EYA1: variants seen among roughly 807,000 people sequenced by gnomAD.
EYA1 encodes EYA transcriptional coactivator and phosphatase 1.
Under a neutral mutation model 82.0 loss-of-function variants are expected in EYA1, and 16 were observed. The observed-to-expected ratio is 0.20, with a 90% CI of 0.13 to 0.30. EYA1 has a LOEUF of 0.30. Among genes scored for constraint, EYA1 ranks in the 10% least tolerant of loss-of-function variants. The probability of loss-of-function intolerance (pLI) is 1.00; values close to 1 mark genes in which losing one functional copy is unlikely to be tolerated. For synonymous variants in EYA1, 261 were observed against 264.4 expected, an observed-to-expected ratio of 0.99 and a Z score of 0.12; for missense variants, 633 against 730.7, an observed-to-expected ratio of 0.87 and a Z score of 1.54.
chr8:71,495,996 A>T (rs1811384328), intron 2 of EYA1, among the ~76,000 whole-genome samples: 1 of 152,228 alleles, frequency 6.6e-6, no homozygotes, highest in Admixed American at 6.5e-5. Context: ...ACTATTCCTA[A>T]ACACTGGTTT....
intron 11 of EYA1, among the ~76,000 whole-genome samples, chr8:71,245,306 A>G (rs1413796872): frequency 6.6e-6 from 1 of 151,936 alleles, no homozygotes; most frequent in African/African-American, 2.4e-5. Flanking sequence ...AGCTCACTGC[A>G]GCCTCCATGT....
At chr8:71,336,321 G>T (rs191403839) in intron 3 of EYA1, among the ~76,000 whole-genome samples, 1 of 152,286 alleles carries the variant, frequency 6.6e-6, no homozygotes, top group East Asian at 1.9e-4. Flanking sequence ...CGGTCTTAGG[G>T]CTCCTAGCCT....
At chr8:71,379,054 T>C (rs1828541929) in intron 2 of EYA1, among the ~76,000 whole-genome samples, 1 of 152,082 alleles carries the variant, frequency 6.6e-6, no homozygotes, top group Non-Finnish European at 1.5e-5. Flanking sequence ...TCTCACCTAC[T>C]ACAGTAGAGA....
chr8:71,402,118 G>A lies in EYA1; in HGVS notation c.34-45607C>T, dbSNP rs1829989804. On this transcript the variant is annotated intron_variant, in intron 2 of 18. Coordinates refer to the EYA1 transcript ENST00000643681. ...GTAGGTCTAGGTCCTCTCCAAGGCT[G>A]TACATTTGATAGGATTGAGCCATTT... is the stretch of plus-strand genomic sequence containing the variant. Among the ~76,000 whole-genome samples, 4 of 152,290 alleles carry A rather than the reference G, an allele frequency of 2.6e-5. No homozygotes were observed. In the South Asian group the frequency reaches 6.2e-4, roughly 24 times the overall value.
chr8:71,532,735 C>A (rs1202242422), intron 2 of EYA1, among the ~76,000 whole-genome samples: 2 of 152,004 alleles, frequency 1.3e-5, no homozygotes, highest in Non-Finnish European at 2.9e-5. Flanking sequence ...CAGAATGCAC[C>A]ATTAGCAGGT....
chr8:71,307,464 A>G (rs7830123), intron 7 of EYA1, among the ~76,000 whole-genome samples: 29,291 of 152,006 alleles, frequency 0.19, 3,271 homozygotes, highest in Non-Finnish European at 0.25. Context: ...CCGTCCCACC[A>G]CACTCGGCTG....
At chr8:71,460,673 T>C (rs567363420) in intron 2 of EYA1, among the ~76,000 whole-genome samples, 5 of 152,322 alleles carry the variant, frequency 3.3e-5, no homozygotes, top group Non-Finnish European at 7.4e-5. Flanking sequence ...TTTCAAAAAG[T>C]GCACATATTG....
chr8:71,302,727 G>T (rs893107553), intron 7 of EYA1, among the ~76,000 whole-genome samples: 2 of 141,820 alleles, frequency 1.4e-5, no homozygotes, highest in African/African-American at 5.0e-5. Context: ...AAACAGAGCT[G>T]CTAAACTCGG....
In EYA1 at chr8:71,406,050, C is replaced by A. The variant is rs114473357; in HGVS notation, c.34-49539G>T. Among the ~76,000 whole-genome samples, 650 of 152,256 alleles carry A rather than the reference C, an allele frequency of 4.3e-3. 6 individuals are homozygous for A. The highest frequency in any genetic ancestry group is 0.015 in the African/African-American group (626 of 41,552). The stretch of plus-strand genomic sequence containing the variant: ...GAAACAACTCAATTTCTTTAACAAC[C>A]AGTGGCATATTCATATGTCCAAACT... On this transcript the variant is annotated intron_variant, in intron 2 of 18. Transcript: ENST00000643681.
At chr8:71,366,414 T>C (rs554915712), upstream of EYA1, among the ~76,000 whole-genome samples, 2 of 152,354 alleles carry the variant, frequency 1.3e-5, no homozygotes, top group South Asian at 4.1e-4. Flanking sequence ...TTATTTTGCT[T>C]TCTCGCGCTG....
intron 7 of EYA1, among the ~76,000 whole-genome samples, chr8:71,306,351 T>C (rs1170056525): frequency 6.6e-6 from 1 of 152,070 alleles, no homozygotes; most frequent in Non-Finnish European, 1.5e-5. Flanking sequence ...GGAAAAGAAA[T>C]GGCATCCTTT....
At chr8:71,505,161 T>C (rs1384586981) in intron 2 of EYA1, among the ~76,000 whole-genome samples, 1 of 152,056 alleles carries the variant, frequency 6.6e-6, no homozygotes, top group African/African-American at 2.4e-5. Flanking sequence ...GAAACCTTGA[T>C]TTTTTATCCT....
chr8:71,215,405 A>G lies in EYA1; in HGVS notation c.1579T>C (p.Tyr527His). 1 of 1,613,046 alleles carries G rather than the reference A, an allele frequency of 6.2e-7. No individual in the cohort carries two copies. The highest frequency in any genetic ancestry group is 8.5e-7 in the Non-Finnish European group (1 of 1,179,028). ...LGIVFPIENI[Y>H]SATKIGKESC... is the part of the protein sequence containing the mutation. ...AGCTCACCTATTTTAGTTGCACTGT[A>G]AATATTTTCTATTGGAAATACAATT... The change falls in exon 16 of 18, where the codon TAC becomes CAC. Residue 527 changes from tyrosine to histidine, a missense_variant. Transcript: ENST00000340726.
At chr8:71,241,227 G>A (rs1812450861) in intron 12 of EYA1, among the ~76,000 whole-genome samples, 3 of 151,968 alleles carry the variant, frequency 2.0e-5, no homozygotes, top group Admixed American at 2.0e-4. Context: ...TTTTCCTGGT[G>A]TGTCAACAGA....
At chr8:71,453,800 G>T (rs865913939) in intron 2 of EYA1, among the ~76,000 whole-genome samples, 1 of 152,092 alleles carries the variant, frequency 6.6e-6, no homozygotes, top group Non-Finnish European at 1.5e-5. Flanking sequence ...CAACAGGTAC[G>T]AGCCACTGCA....
intron 2 of EYA1, among the ~76,000 whole-genome samples, chr8:71,388,101 C>T (rs79566990): frequency 0.12 from 18,358 of 152,072 alleles, 1,155 homozygotes; most frequent in South Asian, 0.17. Context: ...AACTGAGCTA[C>T]CCTCAAAAAG....
intron 2 of EYA1, among the ~76,000 whole-genome samples, chr8:71,472,813 A>AGC (rs1809329895): frequency 6.8e-6 from 1 of 146,504 alleles, no homozygotes; most frequent in African/African-American, 2.5e-5. Context: ...ATATATATAT[A>AGC]TCTGTCAGTG....
chr8:71,510,001 G>C (rs1812475962), intron 2 of EYA1, among the ~76,000 whole-genome samples: 1 of 151,126 alleles, frequency 6.6e-6, no homozygotes, highest in African/African-American at 2.4e-5. Context: ...TTATTGTTCT[G>C]TAATAATATA....
Position 71,244,710 on chromosome 8 carries a change from C to T in EYA1, c.1051-18G>A, listed in dbSNP as rs770081035. 18 of 1,434,148 alleles carry T rather than the reference C, an allele frequency of 1.3e-5. No individual in the cohort carries two copies. The highest frequency in any genetic ancestry group is 1.6e-5 in the Non-Finnish European group (16 of 1,017,290). The allele number at this position is 1,434,148 out of a possible 1,614,324, so 88.8% of individuals were successfully genotyped here. ...GGTGGATCCTAAAATAAGAATATGA[C>T]AGGTGAAGAACATGTATACTTCAGG... On this transcript the variant is annotated intron_variant, in intron 11 of 17. Transcript: ENST00000340726.
Sources: gnomAD v4.1 joint callset for allele counts (sites outside exome capture counted in the v4.1 genomes callset) on GRCh38, gnomAD v4.1.1 for gene constraint, MANE v1.5 for transcripts, NCBI Gene and HGNC (gene_info 2026-07-23, HGNC 2026-07-21) for gene names.